The following TP63 variants were observed in gnomAD, a reference collection of about 807,000 sequenced individuals.
The protein encoded by TP63 is tumor protein p63.
In TP63, 17 loss-of-function variants were observed where a neutral mutation model predicts 82.8. The observed-to-expected ratio is 0.21, with a 90% CI of 0.14 to 0.31. The LOEUF is 0.31. TP63 is among the 10% of genes least tolerant of loss of function. TP63 has a pLI of 1.00. For missense variants in TP63, 648 were observed against 895.3 expected, an observed-to-expected ratio of 0.72 and a Z score of 3.52; for synonymous variants, 330 against 321.7, an observed-to-expected ratio of 1.03 and a Z score of -0.28.
At chr3:189,630,173 C>CTTTA (rs1044728250), upstream of TP63, among the ~76,000 whole-genome samples, 1 of 152,112 alleles carries the variant, frequency 6.6e-6, no homozygotes, top group African/African-American at 2.4e-5. Context: ...TCTGAAAGGG[C>CTTTA]TTTAGATTGT....
chr3:189,618,075 A>C, the TP63 span, among the ~76,000 whole-genome samples: 1 of 152,188 alleles, frequency 6.6e-6, no homozygotes, highest in African/African-American at 2.4e-5. Flanking sequence ...AAAATGTGGG[A>C]TCCTTTGTTT....
Position 189,840,074 on chromosome 3 carries a change from G to A in TP63, c.580-24158G>A, listed in dbSNP as rs1326501089. Among the ~76,000 whole-genome samples the A allele has an allele frequency of 2.0e-5, 3 of 152,206 alleles. No individual in the cohort carries two copies. The East Asian group carries it at 5.8e-4, about 29-fold the overall frequency. On this transcript the variant is annotated intron_variant, in intron 4 of 13. Coordinates refer to ENST00000264731, the MANE Select transcript of TP63 (RefSeq NM_003722.5). The stretch of plus-strand genomic sequence containing the variant: ...AAGAACTTAGCGAAGTGCCTAGACT[G>A]TAGATCACAGTACGTGTTAGCTTTT...
At chr3:189,827,823 TGGAA>T (rs1210086919) in intron 4 of TP63, among the ~76,000 whole-genome samples, 1 of 152,058 alleles carries the variant, frequency 6.6e-6, no homozygotes, top group African/African-American at 2.4e-5. Context: ...TAAGAAAACA[TGGAA>T]GGGCTGTGAG....
At chr3:189,675,648 A>G (rs987383688) in intron 1 of TP63, among the ~76,000 whole-genome samples, 2 of 152,130 alleles carry the variant, frequency 1.3e-5, no homozygotes, top group African/African-American at 4.8e-5. Context: ...GCCTGAATCA[A>G]TGTTGACTCA....
At chr3:189,679,838 ATAT>A (rs893958429) in intron 1 of TP63, among the ~76,000 whole-genome samples, 1 of 152,128 alleles carries the variant, frequency 6.6e-6, no homozygotes, top group Non-Finnish European at 1.5e-5. Flanking sequence ...CTTGACGTGG[ATAT>A]TCAATTTTTT....
chr3:189,709,654 T>C (rs1046994719), intron 1 of TP63, among the ~76,000 whole-genome samples: 1 of 152,068 alleles, frequency 6.6e-6, no homozygotes, highest in Non-Finnish European at 1.5e-5. Context: ...CAAAAAATAA[T>C]AATAATAAAA....
At chr3:189,791,292 G>T (rs1211459432) in intron 3 of TP63, among the ~76,000 whole-genome samples, 2 of 152,096 alleles carry the variant, frequency 1.3e-5, no homozygotes, top group African/African-American at 4.8e-5. Flanking sequence ...AGAAGCAAAA[G>T]TCTGTTCATT....
At chr3:189,834,138 G>T (rs1023769969) in intron 4 of TP63, among the ~76,000 whole-genome samples, 1 of 152,168 alleles carries the variant, frequency 6.6e-6, no homozygotes, top group African/African-American at 2.4e-5. Context: ...GACTACCGTG[G>T]AGAGCTCAGT....
chr3:189,728,533 G>T (rs1719931411), intron 1 of TP63, among the ~76,000 whole-genome samples: 1 of 152,188 alleles, frequency 6.6e-6, no homozygotes, highest in Admixed American at 6.5e-5. Flanking sequence ...AGGTCAATCT[G>T]TAAGGGCTCA....
intron 1 of TP63, among the ~76,000 whole-genome samples, chr3:189,706,855 C>T (rs1718240256): frequency 2.6e-5 from 4 of 152,062 alleles, no homozygotes; most frequent in Admixed American, 2.6e-4. Flanking sequence ...ATCTCTGATA[C>T]TTCAATGGAG....
chr3:189,739,391 C>T (rs981316135), intron 3 of TP63, among the ~76,000 whole-genome samples: 10 of 152,304 alleles, frequency 6.6e-5, no homozygotes, highest in East Asian at 5.8e-4. Context: ...GCTGGGATTA[C>T]AGGTGTGAGC....
At chr3:189,818,428 G>A (rs1469396190) in intron 4 of TP63, among the ~76,000 whole-genome samples, 1 of 151,902 alleles carries the variant, frequency 6.6e-6, no homozygotes, top group African/African-American at 2.4e-5. Context: ...TGACATATAT[G>A]TATTAAGTTT....
chr3:189,835,076 C>T (rs1373828473), intron 4 of TP63, among the ~76,000 whole-genome samples: 2 of 152,060 alleles, frequency 1.3e-5, no homozygotes, highest in African/African-American at 4.8e-5. Flanking sequence ...CCCTAATTCA[C>T]TTTGACCTTG....
intron 4 of TP63, among the ~76,000 whole-genome samples, chr3:189,856,934 A>C (rs1716367059): frequency 6.6e-6 from 1 of 152,110 alleles, no homozygotes; most frequent in Non-Finnish European, 1.5e-5. Context: ...CACATTGCTA[A>C]GGTATCAGTT....
intron 1 of TP63, among the ~76,000 whole-genome samples, chr3:189,663,218 A>G (rs1184945823): frequency 3.3e-5 from 5 of 152,108 alleles, no homozygotes; most frequent in African/African-American, 1.2e-4. Context: ...TACTTTTACG[A>G]CATTGAGTTC....
intron 6 of TP63, among the ~76,000 whole-genome samples, 163 bp downstream of exon 6, chr3:189,866,960 C>T (rs923283781): frequency 4.6e-5 from 7 of 152,218 alleles, no homozygotes; most frequent in African/African-American, 1.4e-4. Flanking sequence ...CTGTTCTCCA[C>T]ATGCTTTCCC....
At chr3:189,777,755 A>ATT (rs757870411) in intron 3 of TP63, among the ~76,000 whole-genome samples, 1 of 110,762 alleles carries the variant, frequency 9.0e-6, no homozygotes, top group African/African-American at 3.4e-5. Flanking sequence ...TTGTAAACAT[A>ATT]TTTTTTTTTT....
intron 3 of TP63, among the ~76,000 whole-genome samples, chr3:189,789,208 G>C (rs914898593): frequency 1.3e-5 from 2 of 151,992 alleles, no homozygotes; most frequent in Non-Finnish European, 2.9e-5. Context: ...GTGGATTTGC[G>C]TACTCTCTCC....
At chr3:189,808,234 T>C in intron 3 of TP63, 38 bp from the exon 4 acceptor site, 1 of 1,614,224 alleles carries the variant, frequency 6.2e-7, no homozygotes, top group Middle Eastern at 1.6e-4. Context: ...ATCCGTGGCT[T>C]CAGCGGCTAA....
Sources: gnomAD v4.1 joint callset for allele counts (sites outside exome capture counted in the v4.1 genomes callset) on GRCh38, gnomAD v4.1.1 for gene constraint, MANE v1.5 for transcripts, NCBI Gene and HGNC (gene_info 2026-07-23, HGNC 2026-07-21) for gene names.